Variants in RIMS2 observed in about 807,000 individuals in gnomAD.
RIMS2 encodes regulating synaptic membrane exocytosis 2, also known as regulating synaptic membrane exocytosis protein 2.
In RIMS2, 59 loss-of-function variants were observed where a neutral mutation model predicts 174.4. The ratio of observed to expected loss-of-function variants is 0.34; its 90% CI spans 0.27 to 0.42. The LOEUF is 0.42. RIMS2 is among the 10% of genes least tolerant of loss of function. RIMS2 has a pLI of 1.00. For synonymous variants in RIMS2, 606 were observed against 572.5 expected (o/e 1.06, Z -0.84); for missense variants, 1,620 against 1,666.3 (o/e 0.97, Z 0.48).
intron 3 of RIMS2, among the ~76,000 whole-genome samples, chr8:103,855,780 G>C (rs2099024259): frequency 6.6e-6 from 1 of 152,044 alleles, no homozygotes; most frequent in South Asian, 2.1e-4. Context: ...CTGAGCACAT[G>C]GTCAATGTTA....
intron 1 of RIMS2, among the ~76,000 whole-genome samples, chr8:103,669,606 G>A (rs898479204): frequency 2.0e-5 from 3 of 152,202 alleles, no homozygotes; most frequent in Non-Finnish European, 4.4e-5. Context: ...CATTCCCAAT[G>A]GGAGAAATTG....
chr8:103,888,297 G>T (rs906296654), intron 4 of RIMS2, among the ~76,000 whole-genome samples: 1 of 151,398 alleles, frequency 6.6e-6, no homozygotes, highest in South Asian at 2.1e-4. Flanking sequence ...GCATTCAAAT[G>T]ATAAATACTA....
intron 3 of RIMS2, among the ~76,000 whole-genome samples, chr8:103,854,060 G>GT (rs1460201819): frequency 6.6e-6 from 1 of 151,794 alleles, no homozygotes; most frequent in Non-Finnish European, 1.5e-5. Flanking sequence ...ACCCTGATTT[G>GT]TTTTTATCAG....
chr8:103,785,761 G>A (rs995703459), intron 3 of RIMS2, among the ~76,000 whole-genome samples: 5 of 152,202 alleles, frequency 3.3e-5, no homozygotes, highest in Non-Finnish European at 7.3e-5. Context: ...CCTGGCTTTG[G>A]TATCAGAATG....
At chr8:104,000,778 T>G (rs2095349788) in intron 17 of RIMS2, among the ~76,000 whole-genome samples, 1 of 151,998 alleles carries the variant, frequency 6.6e-6, no homozygotes, top group African/African-American at 2.4e-5. Context: ...GATATCTCAT[T>G]GTGGTTTTGA....
chr8:103,975,426 T>C (rs1298118758), exon 16 of RIMS2: 4 of 1,612,576 alleles, frequency 2.5e-6, no homozygotes, highest in Non-Finnish European at 3.4e-6. Flanking sequence ...CAAACCACTG[T>C]TCACCATCAG....
chr8:104,054,215 G>T (rs1342293884), intron 19 of RIMS2, among the ~76,000 whole-genome samples: 1 of 152,094 alleles, frequency 6.6e-6, no homozygotes, highest in Non-Finnish European at 1.5e-5. Flanking sequence ...AGTATTGAAT[G>T]GAAACACTTT....
intron 2 of RIMS2, among the ~76,000 whole-genome samples, chr8:103,748,922 T>C (rs1280833760): frequency 6.6e-6 from 1 of 151,952 alleles, no homozygotes; most frequent in African/African-American, 2.4e-5. Context: ...TGCCTCAGCC[T>C]CCTGAGTAGC....
intron 19 of RIMS2, among the ~76,000 whole-genome samples, chr8:104,147,005 A>G (rs1472046607): frequency 3.9e-5 from 6 of 152,192 alleles, no homozygotes; most frequent in African/African-American, 9.6e-5. Flanking sequence ...AAAAATTGCT[A>G]TATAACAGAA....
At chr8:103,848,899 G>A (rs1461344655) in intron 3 of RIMS2, among the ~76,000 whole-genome samples, 2 of 152,058 alleles carry the variant, frequency 1.3e-5, no homozygotes, top group Non-Finnish European at 2.9e-5. Context: ...TTTAAGAGAT[G>A]AAGAAGCCTT....
intron 1 of RIMS2, among the ~76,000 whole-genome samples, chr8:103,521,598 A>C (rs1831708720): frequency 6.6e-6 from 1 of 152,104 alleles, no homozygotes; most frequent in Non-Finnish European, 1.5e-5. Context: ...CAGTAATTGC[A>C]GAAAATTTCA....
intron 3 of RIMS2, among the ~76,000 whole-genome samples, chr8:103,869,442 C>T (rs1237764406): frequency 6.6e-6 from 1 of 152,026 alleles, no homozygotes; most frequent in Non-Finnish European, 1.5e-5. Flanking sequence ...AGTGATCCGC[C>T]CATCTTGGCC....
intron 3 of RIMS2, among the ~76,000 whole-genome samples, chr8:103,830,164 G>A (rs1593302642): frequency 6.6e-6 from 1 of 151,988 alleles, no homozygotes; most frequent in East Asian, 1.9e-4. Context: ...TTACCTAGGA[G>A]TGTATCATCT....
At position 103,965,161 on chromosome 8, in the gene RIMS2, G is replaced by A. The variant is rs114791704; in HGVS notation, c.2770+4028G>A. 5.8e-3 allele frequency among the ~76,000 whole-genome samples: 881 copies of A among 152,202 alleles called. 12 individuals carry two copies. Among genetic ancestry groups the A allele is most frequent in the African/African-American group, 0.02 (837 of 41,542 alleles). ...TCTGTCTTTTACTTCTCCATATGAGGTCTGGAATCTGGTTATCAGACTCCA... is the reference window on the plus strand; with the variant it reads ...TCTGTCTTTTACTTCTCCATATGAGATCTGGAATCTGGTTATCAGACTCCA... On this transcript the variant is annotated intron_variant, in intron 15 of 23. Transcript: ENST00000504942.
At chr8:104,126,448 A>G (rs1483082067) in intron 19 of RIMS2, among the ~76,000 whole-genome samples, 1 of 152,160 alleles carries the variant, frequency 6.6e-6, no homozygotes, top group East Asian at 1.9e-4. Context: ...AATAAAATGC[A>G]TTGGGGTTTT....
intron 19 of RIMS2, among the ~76,000 whole-genome samples, chr8:104,238,324 G>T (rs915614751): frequency 1.3e-5 from 2 of 152,076 alleles, no homozygotes; most frequent in Non-Finnish European, 2.9e-5. Context: ...GGGAGGGAGA[G>T]CATTAAGACA....
intron 19 of RIMS2, among the ~76,000 whole-genome samples, chr8:104,219,786 T>C (rs1035927843): frequency 6.6e-6 from 1 of 152,186 alleles, no homozygotes; most frequent in Non-Finnish European, 1.5e-5. Flanking sequence ...TTTTATGTAA[T>C]AAAATTATAT....
chr8:104,235,184 T>C (rs2099251893), intron 19 of RIMS2, among the ~76,000 whole-genome samples: 2 of 152,096 alleles, frequency 1.3e-5, no homozygotes, highest in South Asian at 2.1e-4. Context: ...TTAAGTTTAT[T>C]TGGACATGCA....
intron 1 of RIMS2, among the ~76,000 whole-genome samples, chr8:103,554,193 A>T (rs1410977900): frequency 6.6e-6 from 1 of 152,178 alleles, no homozygotes; most frequent in East Asian, 1.9e-4. Context: ...ATGCACCTTG[A>T]CAAATGGAAT....
Sources: gnomAD v4.1 joint callset for allele counts (sites outside exome capture counted in the v4.1 genomes callset) on GRCh38, gnomAD v4.1.1 for gene constraint, MANE v1.5 for transcripts, NCBI Gene and HGNC (gene_info 2026-07-23, HGNC 2026-07-21) for gene names.